USP9X: variants seen among roughly 807,000 people sequenced by gnomAD.
The protein encoded by USP9X is ubiquitin carboxyl-terminal hydrolase 9X.
Under a neutral mutation model 190.3 loss-of-function variants are expected in USP9X, and 7 were observed. That is an observed-to-expected ratio of 0.04 (90% CI 0.02 to 0.07). The LOEUF is 0.07. Among genes scored for constraint, USP9X ranks in the 10% least tolerant of loss-of-function variants. The probability of loss-of-function intolerance (pLI) is 1.00; values close to 1 mark genes in which losing one functional copy is unlikely to be tolerated. For synonymous variants in USP9X, 645 were observed against 659.5 expected (o/e 0.98, Z 0.34); for missense variants, 1,010 against 1,916.9 (o/e 0.53, Z 8.83).
At chrX:41,153,752 A>G (rs1333875682) in intron 14 of USP9X, among the ~76,000 whole-genome samples, 2 of 111,886 alleles carry the variant, frequency 1.8e-5, no homozygotes, top group Non-Finnish European at 3.8e-5. Context: ...CTTCTGTCTT[A>G]TGACAAATTC....
At chrX:41,092,091 CAT>C (rs1202948868) in intron 1 of USP9X, among the ~76,000 whole-genome samples, 3 of 111,764 alleles carry the variant, frequency 2.7e-5, no homozygotes, top group African/African-American at 3.3e-5. Context: ...TCTTATTAAT[CAT>C]GTGAGCTTTG....
At chrX:41,101,716 ACTT>A (rs947081594) in intron 1 of USP9X, among the ~76,000 whole-genome samples, 5 of 112,682 alleles carry the variant, frequency 4.4e-5, no homozygotes, top group South Asian at 3.6e-4. Flanking sequence ...TTTAGAGGAT[ACTT>A]CTTCTCAGAT....
intron 23 of USP9X, among the ~76,000 whole-genome samples, chrX:41,186,001 C>T (rs948405684): frequency 1.1e-4 from 12 of 111,487 alleles, no homozygotes; most frequent in African/African-American, 3.3e-4. Flanking sequence ...CTAACAACTA[C>T]GTAATGAAAT....
At chrX:41,137,269 C>A (rs1428039671) in intron 6 of USP9X, among the ~76,000 whole-genome samples, 1 of 111,371 alleles carries the variant, frequency 9.0e-6, no homozygotes, top group African/African-American at 3.3e-5. Context: ...AGGAAACAGA[C>A]TGTATTTTTT....
chrX:41,107,430 G>A (rs2062079002), intron 1 of USP9X, among the ~76,000 whole-genome samples: 1 of 112,160 alleles, frequency 8.9e-6, no homozygotes, highest in African/African-American at 3.2e-5. Flanking sequence ...CTTTGTATGT[G>A]GTGATGGATG....
intron 14 of USP9X, among the ~76,000 whole-genome samples, chrX:41,154,238 A>G (rs942824786): frequency 9.9e-5 from 11 of 111,522 alleles, no homozygotes; most frequent in Non-Finnish European, 1.1e-4. Context: ...GGTTCCTTCT[A>G]AGCAGTGTAA....
chrX:41,232,660 C>A lies in USP9X; in HGVS notation c.*136C>A. ...ATGGAGTGGAGAGTTTATTCACTGT[C>A]TTATCTGCAGAAATTTGCTGTCAAT... On this transcript the variant is annotated 3_prime_UTR_variant, in exon 45 of 45. Transcript: ENST00000378308. The A allele has an allele frequency of 1.2e-6, 1 of 867,167 alleles. No individual in the cohort carries two copies. The highest frequency in any genetic ancestry group is 2.0e-5 in the African/African-American group (1 of 49,384). The allele number at this position is 867,167 out of a possible 1,213,427, so 71.5% of individuals were successfully genotyped here. A position where few individuals can be genotyped will look rare whatever the true frequency, so the allele number is the denominator to read the frequency against.
intron 21 of USP9X, among the ~76,000 whole-genome samples, chrX:41,180,850 T>C (rs772299890): frequency 2.7e-5 from 3 of 112,298 alleles, no homozygotes; most frequent in Non-Finnish European, 5.6e-5. Flanking sequence ...TTTGTAAAAG[T>C]CTGTTGTAAG....
At position 41,233,471 on chromosome X, in the gene USP9X, G is replaced by A. The variant is rs2063378596; in HGVS notation, c.*947G>A. The A allele has an allele frequency of 8.9e-6, 1 of 112,267 alleles. No homozygotes were observed. Among genetic ancestry groups the A allele is most frequent in the Non-Finnish European group, 1.9e-5 (1 of 53,249 alleles). 9.3% of individuals were successfully genotyped at this position (112,267 alleles called of 1,213,427 possible). On this transcript the variant is annotated 3_prime_UTR_variant, in exon 45 of 45. Coordinates refer to ENST00000378308, the MANE Select transcript of USP9X (RefSeq NM_001039591.3). ...CAAAAATTTGCTATGCCAAGATGCT[G>A]GAGCATAATATAAGACTGTATTTGG...
At chrX:41,188,208 A>G (rs1441148714) in intron 25 of USP9X, 91 bp downstream of exon 25, 1 of 895,555 alleles carries the variant, frequency 1.1e-6, no homozygotes, top group East Asian at 3.4e-5. Context: ...CTATTTTTAA[A>G]AATTGAATCA....
chrX:41,113,887 CTT>C (rs1210855131), intron 1 of USP9X, among the ~76,000 whole-genome samples: 1 of 112,762 alleles, frequency 8.9e-6, no homozygotes, highest in African/African-American at 3.2e-5. Context: ...TTTATCAAAA[CTT>C]AATGCACACA....
intron 11 of USP9X, among the ~76,000 whole-genome samples, chrX:41,147,514 C>T (rs764347874): frequency 8.7e-5 from 8 of 92,425 alleles, no homozygotes; most frequent in African/African-American, 2.5e-4. Context: ...AGTGCAGTGG[C>T]GCGATCCCAG....
chrX:41,147,793 C>G (rs1468384477), intron 11 of USP9X, among the ~76,000 whole-genome samples: 3 of 112,080 alleles, frequency 2.7e-5, no homozygotes, highest in Non-Finnish European at 5.6e-5. Context: ...AAGTTCGTTT[C>G]AGTTTATTTT....
At chrX:41,118,264 C>T (rs978231069) in intron 1 of USP9X, among the ~76,000 whole-genome samples, 4 of 111,260 alleles carry the variant, frequency 3.6e-5, no homozygotes, top group Admixed American at 9.6e-5. Flanking sequence ...CAAACTGAAG[C>T]GCTGTACCCC....
chrX:41,169,985 T>C lies in USP9X; in HGVS notation c.2637-10T>C. On this transcript the variant is annotated splice_polypyrimidine_tract_variant and intron_variant, in intron 18 of 44. Coordinates refer to ENST00000378308, the MANE Select transcript of USP9X (RefSeq NM_001039591.3). ...AATATGATGATGTCTGTCTTTCTTT[T>C]TCCCCCCAGAGCATTCCGCGGTAAA... The C allele has an allele frequency of 8.3e-7, 1 of 1,209,786 alleles. No homozygotes were observed. Among genetic ancestry groups the C allele is most frequent in the Non-Finnish European group, 1.1e-6 (1 of 894,646 alleles).
In USP9X at chrX:41,086,052, C is replaced by G; in HGVS notation, c.-216C>G. ...TCGTCCCGGGACCGAGCCCCACCGTCGCCTGGTGCCTCCCGCCTCCGTGTG... is the reference window on the plus strand; with the variant it reads ...TCGTCCCGGGACCGAGCCCCACCGTGGCCTGGTGCCTCCCGCCTCCGTGTG... On this transcript the variant is annotated 5_prime_UTR_variant, in exon 1 of 45. Coordinates refer to ENST00000378308, the MANE Select transcript of USP9X (RefSeq NM_001039591.3). 3.4e-6 allele frequency: 1 copy of G among 297,821 alleles called. No homozygotes were observed. The highest frequency in any genetic ancestry group is 5.9e-6 in the Non-Finnish European group (1 of 170,373). The allele number at this position is 297,821 out of a possible 1,213,427, so 24.5% of individuals were successfully genotyped here.
At position 41,216,238 on chromosome X, in the gene USP9X, G is replaced by C. The variant is rs1203955457; in HGVS notation, c.5671G>C (p.Asp1891His). 1.7e-6 allele frequency: 2 copies of C among 1,211,678 alleles called. No homozygotes were observed. The highest frequency in any genetic ancestry group is 2.2e-6 in the Non-Finnish European group (2 of 895,513). ...YSYIIQRNGG[D>H]GERNRWYKFD... is the part of the protein sequence containing the mutation. Reference sequence around the variant, plus strand: ...TTACATCATCCAAAGGAATGGTGGAGATGGTGAGAGAAATCGCTGGTATAA... The same window carrying C: ...TTACATCATCCAAAGGAATGGTGGACATGGTGAGAGAAATCGCTGGTATAA... The change falls in exon 35 of 45, where the codon GAT becomes CAT. Residue 1891 changes from aspartate (D) to histidine (H), a missense_variant. Asp to His is a moderately conservative substitution (Grantham distance 81, BLOSUM62 -1). Transcript: ENST00000378308.
chrX:41,203,274 T>C (rs2063059578), intron 31 of USP9X, among the ~76,000 whole-genome samples: 1 of 111,589 alleles, frequency 9.0e-6, no homozygotes, highest in Non-Finnish European at 1.9e-5. Context: ...TTGTACACCA[T>C]CACCACCACC....
At chrX:41,171,630 A>G (rs781292217) in intron 20 of USP9X, 8 of 469,034 alleles carry the variant, frequency 1.7e-5, no homozygotes, top group Non-Finnish European at 2.7e-5. Flanking sequence ...GCTATCACAA[A>G]AAAATGACTG....
Sources: gnomAD v4.1 joint callset for allele counts (sites outside exome capture counted in the v4.1 genomes callset) on GRCh38, gnomAD v4.1.1 for gene constraint, MANE v1.5 for transcripts, NCBI Gene and HGNC (gene_info 2026-07-23, HGNC 2026-07-21) for gene names.